Variants in CEP112 observed in about 807,000 individuals in gnomAD.
CEP112 encodes centrosomal protein 112.
Under a neutral mutation model 153.0 loss-of-function variants are expected in CEP112, and 127 were observed. That is an observed-to-expected ratio of 0.83 (90% confidence interval 0.72 to 0.96). The LOEUF is 0.96. Among genes scored for constraint, CEP112 ranks in the 40% least tolerant of loss-of-function variants. The probability of loss-of-function intolerance (pLI) is 0.00; values close to 1 mark genes in which losing one functional copy is unlikely to be tolerated. For synonymous variants in CEP112, 358 were observed against 374.4 expected (o/e 0.96, Z 0.51); for missense variants, 1,089 against 1,101.2 (o/e 0.99, Z 0.16).
chr17:65,677,212 G>A (rs991982891), intron 24 of CEP112, among the ~76,000 whole-genome samples: 1 of 152,084 alleles, frequency 6.6e-6, no homozygotes, highest in African/African-American at 2.4e-5. Context: ...ACCTAAAAAG[G>A]ATCTTTAAAC....
chr17:66,174,079 C>T (rs947406522), intron 4 of CEP112, among the ~76,000 whole-genome samples: 12 of 152,134 alleles, frequency 7.9e-5, no homozygotes, highest in Non-Finnish European at 1.5e-4. Context: ...CAGGCACCCG[C>T]CACCACGCCT....
chr17:65,976,735 CTTTTT>C (rs771108755), intron 17 of CEP112, among the ~76,000 whole-genome samples: 1 of 85,358 alleles, frequency 1.2e-5, no homozygotes, highest in African/African-American at 5.4e-5. Context: ...ATAACTTTTT[CTTTTT>C]TTTTTTTTTT....
chr17:65,685,898 C>G (rs969864221), intron 24 of CEP112, among the ~76,000 whole-genome samples: 1 of 151,996 alleles, frequency 6.6e-6, no homozygotes, highest in Admixed American at 6.6e-5. Context: ...GTCTCAAACT[C>G]CTAACCTCAG....
chr17:66,089,940 A>T (rs2068072421), intron 8 of CEP112, among the ~76,000 whole-genome samples: 1 of 152,174 alleles, frequency 6.6e-6, no homozygotes, highest in Admixed American at 6.5e-5. Context: ...ATCAAGAGAA[A>T]AGCAAATTAT....
chr17:65,862,931 A>G (rs1489612727), intron 20 of CEP112, among the ~76,000 whole-genome samples: 1 of 152,168 alleles, frequency 6.6e-6, no homozygotes, highest in Non-Finnish European at 1.5e-5. Flanking sequence ...TGAATATTAC[A>G]TGGCTTCATT....
chr17:65,757,467 A>G (rs2052355729), intron 21 of CEP112, among the ~76,000 whole-genome samples: 1 of 152,208 alleles, frequency 6.6e-6, no homozygotes, highest in African/African-American at 2.4e-5. Flanking sequence ...AAAGCAGGAA[A>G]GGGAAAAGAC....
At chr17:66,114,128 A>G (rs1244625645) in intron 6 of CEP112, among the ~76,000 whole-genome samples, 1 of 152,248 alleles carries the variant, frequency 6.6e-6, no homozygotes, top group Non-Finnish European at 1.5e-5. Context: ...TTAAGTTTCA[A>G]TGGCACGAAT....
chr17:65,856,784 C>T (rs914825097), intron 20 of CEP112, among the ~76,000 whole-genome samples: 1 of 152,134 alleles, frequency 6.6e-6, no homozygotes, highest in Non-Finnish European at 1.5e-5. Flanking sequence ...CATCCCAAAT[C>T]GAGTTTCAAT....
chr17:65,985,062 A>T (rs1334889074), intron 17 of CEP112, among the ~76,000 whole-genome samples: 27 of 152,190 alleles, frequency 1.8e-4, no homozygotes, highest in Admixed American at 1.8e-3. Flanking sequence ...GATGATGAGA[A>T]ATCTGAGGCA....
intron 10 of CEP112, among the ~76,000 whole-genome samples, chr17:66,065,349 G>A (rs1276603346): frequency 6.6e-6 from 1 of 152,088 alleles, no homozygotes; most frequent in African/African-American, 2.4e-5. Context: ...ACTGGTAACA[G>A]AGCTGGAATT....
intron 19 of CEP112, among the ~76,000 whole-genome samples, chr17:65,912,746 T>C (rs959062792): frequency 1.3e-5 from 2 of 152,194 alleles, no homozygotes; most frequent in East Asian, 1.9e-4. Flanking sequence ...CAAAATTATA[T>C]TGATCATCAA....
intron 16 of CEP112, among the ~76,000 whole-genome samples, chr17:66,006,998 A>G (rs914457051): frequency 2.0e-5 from 3 of 152,238 alleles, no homozygotes; most frequent in African/African-American, 7.2e-5. Flanking sequence ...TTAGCTATTT[A>G]TATCAGTTTA....
At chr17:65,767,760 T>C (rs1205071814) in intron 21 of CEP112, among the ~76,000 whole-genome samples, 4 of 152,150 alleles carry the variant, frequency 2.6e-5, no homozygotes, top group South Asian at 2.1e-4. Flanking sequence ...TATGTCAACA[T>C]AGTTGATCAT....
At chr17:66,048,935 A>G (rs539480125) in intron 12 of CEP112, among the ~76,000 whole-genome samples, 1 of 152,178 alleles carries the variant, frequency 6.6e-6, no homozygotes, top group Non-Finnish European at 1.5e-5. Context: ...TAAAAGACTT[A>G]TACATTTGAC....
intron 24 of CEP112, among the ~76,000 whole-genome samples, chr17:65,677,660 C>G (rs1453599159): frequency 2.6e-5 from 4 of 152,146 alleles, no homozygotes; most frequent in Non-Finnish European, 5.9e-5. Context: ...CGCCTGTAAT[C>G]CCAGCACTTT....
chr17:65,747,491 T>C (rs1164294540), intron 22 of CEP112, among the ~76,000 whole-genome samples: 2 of 152,160 alleles, frequency 1.3e-5, no homozygotes, highest in Non-Finnish European at 2.9e-5. Flanking sequence ...TATCTTTCCT[T>C]GAAAAATGGC....
intron 20 of CEP112, among the ~76,000 whole-genome samples, chr17:65,866,396 G>A (rs1049060109): frequency 2.0e-5 from 3 of 152,230 alleles, no homozygotes; most frequent in African/African-American, 2.4e-5. Context: ...ACTGGCCTGC[G>A]CCCCTTGGCA....
At chr17:66,021,792 G>A (rs1439058824) in intron 16 of CEP112, among the ~76,000 whole-genome samples, 3 of 152,070 alleles carry the variant, frequency 2.0e-5, no homozygotes, top group South Asian at 4.1e-4. Context: ...CCCAGATTTG[G>A]CCTCCACTGA....
intron 21 of CEP112, among the ~76,000 whole-genome samples, chr17:65,763,290 T>A (rs1427706984): frequency 6.6e-6 from 1 of 152,078 alleles, no homozygotes; most frequent in Non-Finnish European, 1.5e-5. Flanking sequence ...GTGTGTAGCA[T>A]GTTTTTTCTT....
Sources: allele counts gnomAD v4.1 joint callset (sites outside exome capture counted in the v4.1 genomes callset), GRCh38; gene constraint gnomAD v4.1.1; transcripts MANE v1.5; gene names NCBI Gene and HGNC (gene_info 2026-07-23, HGNC 2026-07-21).